Variants in FGFRL1 observed in about 807,000 individuals in gnomAD.
FGFRL1 encodes the protein fibroblast growth factor receptor like 1.
In FGFRL1, 24 loss-of-function variants were observed where a neutral mutation model predicts 36.8. The ratio of observed to expected loss-of-function variants is 0.65; its 90% CI spans 0.47 to 0.92. FGFRL1 has a LOEUF of 0.92. Among genes scored for constraint, FGFRL1 ranks in the 40% least tolerant of loss-of-function variants. FGFRL1 has a pLI of 0.00. For synonymous variants in FGFRL1, 422 were observed against 344.1 expected (o/e 1.23, Z -2.50); for missense variants, 785 against 753.4 (o/e 1.04, Z -0.49).
chr4:1,019,497 C>T (rs773662500), intron 2 of FGFRL1, among the ~76,000 whole-genome samples: 2 of 152,210 alleles, frequency 1.3e-5, no homozygotes, highest in African/African-American at 2.4e-5. Flanking sequence ...GGATTTCAGG[C>T]AGCGACAGGT....
Position 1,022,435 on chromosome 4 carries a change from C to G in FGFRL1, c.312C>G (p.Gly104=). ...TGTACGTGTGCAAGGCCACCAACGG[C>G]TTCGGCAGCCTGAGCGTCAACTACA... ...AGVYVCKATN[G]FGSLSVNYTL... is the part of the protein sequence containing the mutation. The change falls in exon 3 of 7, where the codon GGC becomes GGG. Residue 104 remains glycine, a synonymous_variant. Coordinates refer to ENST00000510644, the MANE Select transcript of FGFRL1 (RefSeq NM_001004356.3). 6.2e-7 allele frequency: 1 copy of G among 1,609,850 alleles called. No homozygotes were observed. The highest frequency in any genetic ancestry group is 8.5e-7 in the Non-Finnish European group (1 of 1,178,276).
At chr4:1,013,403 C>T (rs1009891307) in intron 2 of FGFRL1, among the ~76,000 whole-genome samples, 7 of 152,258 alleles carry the variant, frequency 4.6e-5, no homozygotes, top group African/African-American at 1.7e-4. Context: ...GCTGTGTCCA[C>T]CAGTCCTGAG....
At chr4:1,024,240 G>T in intron 5 of FGFRL1, 71 bp from the exon 6 acceptor site, 1 of 1,481,430 alleles carries the variant, frequency 6.8e-7, no homozygotes, top group Non-Finnish European at 8.9e-7. Context: ...GGGTGCTGGT[G>T]GGCCCAGGGT....
chr4:1,017,481 G>C (rs921710885), intron 2 of FGFRL1, among the ~76,000 whole-genome samples: 1 of 152,178 alleles, frequency 6.6e-6, no homozygotes, highest in South Asian at 2.1e-4. Flanking sequence ...AGCCCCTGCC[G>C]CAGTGAGTGC....
chr4:1,023,231 C>A lies in FGFRL1; in HGVS notation c.353-410C>A, dbSNP rs1318165906. ...TGTGTGGAATGGGAAAACTGGCTGT[C>A]CCCCACCCCCACCCCACAGTCCTTT... On this transcript the variant is annotated intron_variant, in intron 3 of 6. Transcript: ENST00000510644. This position sits in a 1 kb window ranked among gnomAD's most constrained non-coding sequence, Gnocchi z 6.0. Among the ~76,000 whole-genome samples, 1 of 152,060 alleles carries A rather than the reference C, an allele frequency of 6.6e-6. No individual in the cohort carries two copies.
At chr4:1,011,127 A>C (rs1208475420), upstream of FGFRL1, 3 of 151,964 alleles carry the variant, frequency 2.0e-5, no homozygotes, top group Non-Finnish European at 4.4e-5. Flanking sequence ...GAAGCCTCGA[A>C]GCTCCCGCGG....
chr4:1,017,535 C>T (rs904369234), intron 2 of FGFRL1, among the ~76,000 whole-genome samples: 1 of 152,210 alleles, frequency 6.6e-6, no homozygotes, highest in Non-Finnish European at 1.5e-5. Context: ...GGTCAGGAGT[C>T]CCGTCCGACC....
rs777150201 is a variant in FGFRL1, at chr4:1,022,298, C to T, written c.175C>T (p.Pro59Ser). The T allele has an allele frequency of 1.9e-6, 3 of 1,593,024 alleles. No homozygotes were observed. Among genetic ancestry groups the T allele is most frequent in the Admixed American group, 3.5e-5 (2 of 56,882 alleles). ...LQCPVEGDPPPLTMWTKDGRT... is the reference protein window; with the variant it reads ...LQCPVEGDPPSLTMWTKDGRT... Reference sequence around the variant, plus strand: ...GTGCCCAGTGGAGGGGGACCCGCCGCCGCTGACCATGTGGACCAAGGATGG... The same window carrying T: ...GTGCCCAGTGGAGGGGGACCCGCCGTCGCTGACCATGTGGACCAAGGATGG... The change falls in exon 3 of 7, where the codon CCG becomes TCG. Residue 59 changes from proline to serine, a missense_variant. Physicochemically the swap from Pro to Ser is moderately conservative, Grantham distance 74 (BLOSUM62 -1). Coordinates refer to ENST00000510644, the MANE Select transcript of FGFRL1 (RefSeq NM_001004356.3).
At chr4:1,021,812 C>T (rs1166242924) in intron 2 of FGFRL1, among the ~76,000 whole-genome samples, 3 of 152,178 alleles carry the variant, frequency 2.0e-5, no homozygotes, top group South Asian at 2.1e-4. Context: ...CTCGGGTGTA[C>T]GGCTGCTTCC....
At chr4:1,017,447 C>T (rs1715948376) in intron 2 of FGFRL1, among the ~76,000 whole-genome samples, 1 of 152,224 alleles carries the variant, frequency 6.6e-6, no homozygotes, top group South Asian at 2.1e-4. Context: ...GACGCCCCAC[C>T]CTGCTGTGTT....
chr4:1,013,102 G>A (rs895997558), intron 2 of FGFRL1, among the ~76,000 whole-genome samples: 2 of 152,178 alleles, frequency 1.3e-5, no homozygotes, highest in South Asian at 2.1e-4. Context: ...AGGCAGTGCC[G>A]GGCGGTTGTG....
chr4:1,019,680 C>G (rs1461137643), intron 2 of FGFRL1, among the ~76,000 whole-genome samples: 1 of 152,186 alleles, frequency 6.6e-6, no homozygotes, highest in African/African-American at 2.4e-5. Flanking sequence ...GGGCTGGCAG[C>G]CCCCCACAGC....
intron 2 of FGFRL1, among the ~76,000 whole-genome samples, chr4:1,019,032 G>A (rs972352046): frequency 6.6e-5 from 10 of 152,326 alleles, no homozygotes; most frequent in African/African-American, 9.6e-5. Context: ...GCCATCCAGC[G>A]GTCATTTGTC....
In FGFRL1 at chr4:1,024,671, G is replaced by T; in HGVS notation, c.1072+7G>T. ...TTCCTCACCGTGCTGCCAGGTGCGC[G>T]GCTGCCACGCCACGCCACACCATGC... On this transcript the variant is annotated splice_region_variant and intron_variant, in intron 6 of 6. Coordinates refer to ENST00000510644, the MANE Select transcript of FGFRL1 (RefSeq NM_001004356.3). 6.3e-7 allele frequency: 1 copy of T among 1,590,834 alleles called. No individual in the cohort carries two copies.
At chr4:1,016,276 C>T (rs1715881876) in intron 2 of FGFRL1, among the ~76,000 whole-genome samples, 1 of 150,574 alleles carries the variant, frequency 6.6e-6, no homozygotes, top group African/African-American at 2.5e-5. Context: ...CCAAGGTCTG[C>T]AGGCAGAGCC....
Position 1,023,172 on chromosome 4 carries a change from G to A in FGFRL1, c.353-469G>A, listed in dbSNP as rs541653692. Among the ~76,000 whole-genome samples, 205 of 152,306 alleles carry A rather than the reference G, an allele frequency of 1.3e-3. 5 individuals are homozygous for A. Among genetic ancestry groups the A allele is most frequent in the African/African-American group, 4.4e-3 (181 of 41,562 alleles). ...AGCGGCTGTCACAGGGTGGATGGAGGGGACATTCCACAGCACGCCCTGCCC... is the reference window on the plus strand; with the variant it reads ...AGCGGCTGTCACAGGGTGGATGGAGAGGACATTCCACAGCACGCCCTGCCC... On this transcript the variant is annotated intron_variant, in intron 3 of 6. Coordinates refer to ENST00000510644, the MANE Select transcript of FGFRL1 (RefSeq NM_001004356.3). The surrounding 1 kb of genome is among the most constrained non-coding windows in gnomAD (Gnocchi z 6.0).
At chr4:1,011,389 G>A (rs1470895586), upstream of FGFRL1, 1 of 141,174 alleles carries the variant, frequency 7.1e-6, no homozygotes, top group Non-Finnish European at 1.6e-5. Context: ...CGAGGCTCGG[G>A]TTGGGGCGGG....
In FGFRL1 at chr4:1,023,864, G is replaced by T; in HGVS notation, c.481G>T (p.Ala161Ser). The T allele has an allele frequency of 6.3e-7, 1 of 1,575,988 alleles. No individual in the cohort carries two copies. Among genetic ancestry groups the T allele is most frequent in the Non-Finnish European group, 8.6e-7 (1 of 1,163,302 alleles). The change falls in exon 5 of 7, where the codon GCA becomes TCA. Residue 161 changes from alanine (A) to serine (S), a missense_variant. Transcript: ENST00000510644. This position sits in a 1 kb window ranked among gnomAD's most constrained non-coding sequence, Gnocchi z 6.0. ...QPSKMRRRVI[A>S]RPVGSSVRLK... The stretch of plus-strand genomic sequence containing the variant: ...CTCCAAGATGAGGCGCCGGGTGATC[G>T]CACGGCCCGTGGGTAGCTCCGTGCG...
At position 1,024,607 on chromosome 4, in the gene FGFRL1, C is replaced by T; in HGVS notation, c.1015C>T (p.Leu339Phe). ...GGACGATGCGGGCATGTACATCTGCCTTGGCGCCAACACCATGGGCTACAG... is the reference window on the plus strand; with the variant it reads ...GGACGATGCGGGCATGTACATCTGCTTTGGCGCCAACACCATGGGCTACAG... ...RQDDAGMYICLGANTMGYSFR... is the reference protein window; with the variant it reads ...RQDDAGMYICFGANTMGYSFR... Residue 339 changes from leucine (L) to phenylalanine (F), a missense_variant, in exon 6 of 7, where the codon CTT becomes TTT. Leu to Phe is a conservative substitution (Grantham distance 22, BLOSUM62 0). Coordinates refer to ENST00000510644, the MANE Select transcript of FGFRL1 (RefSeq NM_001004356.3). The T allele has an allele frequency of 1.9e-6, 3 of 1,611,934 alleles. No homozygotes were observed. Among genetic ancestry groups the T allele is most frequent in the South Asian group, 1.1e-5 (1 of 91,074 alleles).
Sources: allele counts gnomAD v4.1 joint callset (sites outside exome capture counted in the v4.1 genomes callset), GRCh38; gene constraint gnomAD v4.1.1; non-coding constraint Gnocchi (gnomAD v3.1); transcripts MANE v1.5; gene names NCBI Gene and HGNC (gene_info 2026-07-23, HGNC 2026-07-21).